The following OPCML variants were observed in gnomAD, a reference collection of about 807,000 sequenced individuals.
The protein encoded by OPCML is opioid-binding protein/cell adhesion molecule.
Under a neutral mutation model 37.8 loss-of-function variants are expected in OPCML, and 13 were observed. The ratio of observed to expected loss-of-function variants is 0.34; its 90% CI spans 0.22 to 0.55. OPCML has a LOEUF of 0.55. Among genes scored for constraint, OPCML ranks in the 20% least tolerant of loss-of-function variants. The probability of loss-of-function intolerance (pLI) is 0.91; values close to 1 mark genes in which losing one functional copy is unlikely to be tolerated. For missense variants in OPCML, 341 were observed against 435.6 expected (o/e 0.78, Z 1.93); for synonymous variants, 176 against 168.8 (o/e 1.04, Z -0.33).
intron 2 of OPCML, among the ~76,000 whole-genome samples, chr11:132,868,079 G>A (rs1278886774): frequency 6.6e-6 from 1 of 152,136 alleles, no homozygotes. Context: ...TGCTTTGCTA[G>A]CACTAATGTA....
intron 1 of OPCML, among the ~76,000 whole-genome samples, chr11:133,052,012 G>A (rs1948140823): frequency 6.6e-6 from 1 of 152,180 alleles, no homozygotes; most frequent in African/African-American, 2.4e-5. Context: ...TAGAATTTGT[G>A]GGGATTTCAA....
At chr11:133,308,526 A>G (rs1048877129) in intron 1 of OPCML, among the ~76,000 whole-genome samples, 3 of 152,104 alleles carry the variant, frequency 2.0e-5, no homozygotes, top group African/African-American at 7.2e-5. Context: ...TTAAAAATAT[A>G]CTGCAGATAT....
intron 2 of OPCML, among the ~76,000 whole-genome samples, chr11:132,802,003 C>T (rs1196489633): frequency 3.3e-5 from 5 of 152,278 alleles, no homozygotes; most frequent in African/African-American, 4.8e-5. Flanking sequence ...CCCCCACCAC[C>T]CTCATCATCC....
intron 1 of OPCML, among the ~76,000 whole-genome samples, chr11:133,188,809 C>T (rs370365418): frequency 2.6e-5 from 4 of 151,494 alleles, no homozygotes; most frequent in Admixed American, 6.6e-5. Flanking sequence ...GTAGATCTCA[C>T]GTAGCTAGTA....
At chr11:133,401,520 G>A (rs935590512) in intron 1 of OPCML, among the ~76,000 whole-genome samples, 1 of 152,162 alleles carries the variant, frequency 6.6e-6, no homozygotes, top group African/African-American at 2.4e-5. Flanking sequence ...CAGTCTGAAA[G>A]TGGCAGAGCT....
intron 1 of OPCML, among the ~76,000 whole-genome samples, chr11:133,524,153 A>C (rs1339528647): frequency 1.3e-5 from 2 of 152,240 alleles, no homozygotes; most frequent in Non-Finnish European, 1.5e-5. Flanking sequence ...GAATAAATAA[A>C]TGTGCTTGGT....
chr11:133,000,651 G>A (rs1016086680), intron 1 of OPCML, among the ~76,000 whole-genome samples: 8 of 152,182 alleles, frequency 5.3e-5, no homozygotes, highest in African/African-American at 1.9e-4. Flanking sequence ...TAATAAGGAA[G>A]GCATAGAAAC....
At chr11:132,740,741 G>A (rs1945409426) in intron 2 of OPCML, among the ~76,000 whole-genome samples, 2 of 152,018 alleles carry the variant, frequency 1.3e-5, no homozygotes, top group South Asian at 4.2e-4. Context: ...CCATGAAGGG[G>A]AGGCATTATG....
At chr11:133,430,042 T>A (rs1946085703) in intron 1 of OPCML, among the ~76,000 whole-genome samples, 1 of 152,046 alleles carries the variant, frequency 6.6e-6, no homozygotes, top group African/African-American at 2.4e-5. Context: ...AGAGGCAGGA[T>A]TATGCAGAGG....
At chr11:132,842,765 A>G (rs1941351716) in intron 2 of OPCML, among the ~76,000 whole-genome samples, 1 of 152,196 alleles carries the variant, frequency 6.6e-6, no homozygotes. Context: ...CACCTGTACA[A>G]GAGTGGACAC....
In OPCML at chr11:133,365,048, TCACACACACACACA is replaced by T. The variant is rs3220326; in HGVS notation, c.61+167202_61+167215del. ...GCCTCTCTCTCTATCTCTCTCTCTT[TCACACACACACACA>T]CACACACACACACACACACACTTAT... On this transcript the variant is annotated intron_variant, in intron 1 of 7. Coordinates refer to ENST00000524381, the MANE Select transcript of OPCML (RefSeq NM_001012393.5). Among the ~76,000 whole-genome samples the T allele has an allele frequency of 4.4e-4, 65 of 146,580 alleles. 1 individual carries two copies. The highest frequency in any genetic ancestry group is 4.0e-3 in the Admixed American group (59 of 14,694).
Position 132,592,003 on chromosome 11 carries a change from A to G in OPCML, c.380-62817T>C, listed in dbSNP as rs58974520. On this transcript the variant is annotated intron_variant, in intron 3 of 7. Coordinates refer to ENST00000524381, the MANE Select transcript of OPCML (RefSeq NM_001012393.5). ...GGAGATGAACACTGGGGAAGAAAGT[A>G]TAGATTCTGTTTCTAGGCAAGTGTC... Among the ~76,000 whole-genome samples the G allele has an allele frequency of 0.012, 1,779 of 152,326 alleles. 128 individuals carry two copies. The East Asian group carries it at 0.21, about 18-fold the overall frequency.
At chr11:132,531,235 G>A (rs2137303843) in intron 3 of OPCML, among the ~76,000 whole-genome samples, 1 of 152,270 alleles carries the variant, frequency 6.6e-6, no homozygotes, top group South Asian at 2.1e-4. Flanking sequence ...AACTAAGGGA[G>A]GTAAAGCTTT....
intron 1 of OPCML, among the ~76,000 whole-genome samples, chr11:132,947,168 G>C (rs1031676995): frequency 3.3e-5 from 5 of 152,170 alleles, no homozygotes; most frequent in African/African-American, 1.2e-4. Context: ...ACTCATAAAA[G>C]ATTGCTTGAG....
intron 2 of OPCML, among the ~76,000 whole-genome samples, chr11:132,811,932 ATCC>A (rs1939369293): frequency 1.3e-5 from 2 of 152,188 alleles, no homozygotes; most frequent in South Asian, 4.1e-4. Context: ...TGTGTTGCTT[ATCC>A]TCAAATTATA....
chr11:132,654,541 T>G (rs1941601693), intron 3 of OPCML, among the ~76,000 whole-genome samples: 1 of 150,598 alleles, frequency 6.6e-6, no homozygotes, highest in African/African-American at 2.5e-5. Flanking sequence ...GAGAAGCTCC[T>G]CCCCAAGAGA....
chr11:132,471,945 T>C (rs1309925534), intron 4 of OPCML, among the ~76,000 whole-genome samples: 1 of 152,158 alleles, frequency 6.6e-6, no homozygotes, highest in African/African-American at 2.4e-5. Flanking sequence ...CTTTTCCTTG[T>C]CTGAAACACA....
intron 1 of OPCML, among the ~76,000 whole-genome samples, chr11:133,204,884 A>ATATGTG (rs374646818): frequency 2.8e-5 from 1 of 36,286 alleles, no homozygotes; most frequent in Non-Finnish European, 7.5e-5. Flanking sequence ...ATATATATAT[A>ATATGTG]TATATATATA....
At chr11:132,437,141 A>T in intron 5 of OPCML, 81 bp downstream of exon 5, 1 of 1,547,682 alleles carries the variant, frequency 6.5e-7, no homozygotes, top group Non-Finnish European at 8.7e-7. Context: ...CCTTTGGAAA[A>T]TGGCACTGCC....
Sources: gnomAD v4.1 joint callset for allele counts (sites outside exome capture counted in the v4.1 genomes callset) on GRCh38, gnomAD v4.1.1 for gene constraint, MANE v1.5 for transcripts, NCBI Gene and HGNC (gene_info 2026-07-23, HGNC 2026-07-21) for gene names.